NOS1: variants seen among roughly 807,000 people sequenced by gnomAD.
NOS1 encodes the protein nitric oxide synthase 1, also known as NOS type I.
A neutral mutation model predicts 164.5 loss-of-function variants in NOS1; 51 were observed. The ratio of observed to expected loss-of-function variants is 0.31; its 90% CI spans 0.25 to 0.39. The LOEUF is 0.39. NOS1 is among the 10% of genes least tolerant of loss of function. NOS1 has a pLI of 1.00. For synonymous variants in NOS1, 719 were observed against 745.8 expected (o/e 0.96, Z 0.59); for missense variants, 1,362 against 1,885.6 (o/e 0.72, Z 5.14).
At chr12:117,343,274 GAGGA>G (rs374606107) in intron 1 of NOS1, among the ~76,000 whole-genome samples, 151 of 151,792 alleles carry the variant, frequency 9.9e-4, no homozygotes, top group Non-Finnish European at 1.6e-3. Flanking sequence ...GGGAGGGAGG[GAGGA>G]AGGAAGGAAG....
At chr12:117,305,081 G>C in intron 3 of NOS1, 2 of 985,362 alleles carry the variant, frequency 2.0e-6, no homozygotes, top group Non-Finnish European at 2.4e-6. Flanking sequence ...GCAGGTAGTG[G>C]CTGGGTTCCT....
chr12:117,257,803 CT>C (rs34828673), intron 16 of NOS1, among the ~76,000 whole-genome samples: 3,839 of 120,400 alleles, frequency 0.032, 123 homozygotes, highest in African/African-American at 0.1. Flanking sequence ...TTACACAGTG[CT>C]TTTTTTTTTT....
chr12:117,238,825 C>T (rs1321319067), intron 20 of NOS1, among the ~76,000 whole-genome samples: 2 of 151,888 alleles, frequency 1.3e-5, no homozygotes, highest in African/African-American at 4.8e-5. Flanking sequence ...CTTTCTTTCA[C>T]CTATTAAACT....
chr12:117,217,048 A>G (rs1411497306), intron 28 of NOS1, among the ~76,000 whole-genome samples: 2 of 152,126 alleles, frequency 1.3e-5, no homozygotes, highest in African/African-American at 2.4e-5. Flanking sequence ...TGAAATTACG[A>G]TCAAGGTTGC....
At chr12:117,354,941 T>C (rs1306779450) in intron 1 of NOS1, among the ~76,000 whole-genome samples, 1 of 152,208 alleles carries the variant, frequency 6.6e-6, no homozygotes, top group Non-Finnish European at 1.5e-5. Context: ...TGAAGTTGCG[T>C]AAGCTTTTTG....
At chr12:117,246,163 A>G (rs753056177) in intron 18 of NOS1, 1 of 157,802 alleles carries the variant, frequency 6.3e-6, no homozygotes, top group South Asian at 2.1e-4. Flanking sequence ...CTCTCCATCC[A>G]TTATGTTCTA....
chr12:117,224,131 ATTGAT>A (rs1414097279), intron 25 of NOS1, among the ~76,000 whole-genome samples: 4 of 152,174 alleles, frequency 2.6e-5, no homozygotes, highest in African/African-American at 9.7e-5. Flanking sequence ...TTACTGACTG[ATTGAT>A]TTGTTTTTAT....
At chr12:117,250,238 T>C (rs1307736445) in intron 17 of NOS1, among the ~76,000 whole-genome samples, 3 of 152,106 alleles carry the variant, frequency 2.0e-5, no homozygotes, top group Non-Finnish European at 4.4e-5. Flanking sequence ...TAACATTTCA[T>C]CTTCCTCTTC....
At chr12:117,288,301 T>G (rs1872840146) in intron 4 of NOS1, 82 bp from the exon 5 acceptor site, 1 of 1,376,284 alleles carries the variant, frequency 7.3e-7, no homozygotes, top group South Asian at 1.3e-5. Context: ...GATCTCGTAC[T>G]CATGGTTGAG....
In NOS1 at chr12:117,234,981, C is replaced by G. The variant is rs577399302; in HGVS notation, c.3042-223G>C. Among the ~76,000 whole-genome samples the G allele has an allele frequency of 6.6e-6, 1 of 151,870 alleles. No homozygotes were observed. Among genetic ancestry groups the G allele is most frequent in the Non-Finnish European group, 1.5e-5 (1 of 67,952 alleles). On this transcript the variant is annotated intron_variant, in intron 20 of 28. Transcript: ENST00000317775. The surrounding 1 kb of genome is among the most constrained non-coding windows in gnomAD (Gnocchi z 4.3). ...TCACCCTGGCTGGAGTGCAGTGGTG[C>G]GATCACGGCTCACTGCAGCCTCTAT...
At chr12:117,326,602 C>T (rs761629520) in intron 2 of NOS1, among the ~76,000 whole-genome samples, 5 of 152,104 alleles carry the variant, frequency 3.3e-5, no homozygotes, top group Non-Finnish European at 7.4e-5. Context: ...TGGCCGCTTT[C>T]GGGCAAACCA....
chr12:117,319,318 T>G (rs1874805898), intron 2 of NOS1, among the ~76,000 whole-genome samples: 1 of 152,234 alleles, frequency 6.6e-6, no homozygotes, highest in Admixed American at 6.5e-5. Context: ...CTCCCAGTGC[T>G]GGGATTACAG....
At chr12:117,230,739 C>G (rs1037994397) in intron 22 of NOS1, among the ~76,000 whole-genome samples, 10 of 152,170 alleles carry the variant, frequency 6.6e-5, no homozygotes, top group Admixed American at 2.6e-4. Context: ...ATTTTACAAT[C>G]AGAGACCTCT....
intron 1 of NOS1, among the ~76,000 whole-genome samples, chr12:117,359,278 T>C (rs1566090521): frequency 6.6e-6 from 1 of 152,346 alleles, no homozygotes; most frequent in South Asian, 2.1e-4. Context: ...TCCGCTGAGA[T>C]GCCTTGAGGG....
At chr12:117,233,808 C>CAAAAA (rs374050465) in intron 21 of NOS1, among the ~76,000 whole-genome samples, 2 of 57,074 alleles carry the variant, frequency 3.5e-5, no homozygotes, top group African/African-American at 6.4e-5. Context: ...AAGTCTGTCT[C>CAAAAA]AAAAAAAAAA....
chr12:117,258,540 T>C, intron 15 of NOS1, 85 bp from the exon 16 acceptor site: 1 of 1,394,964 alleles, frequency 7.2e-7, no homozygotes, highest in Non-Finnish European at 1.0e-6. Context: ...GGGTCCTGGC[T>C]GTCAAAGAGG....
intron 9 of NOS1, among the ~76,000 whole-genome samples, chr12:117,276,407 C>T (rs989628517): frequency 6.6e-6 from 1 of 152,166 alleles, no homozygotes; most frequent in Admixed American, 6.5e-5. Flanking sequence ...CTCAGCATCC[C>T]AAGTAGCTGG....
intron 1 of NOS1, among the ~76,000 whole-genome samples, chr12:117,344,200 G>T (rs1442808641): frequency 6.6e-6 from 1 of 152,150 alleles, no homozygotes; most frequent in Non-Finnish European, 1.5e-5. Flanking sequence ...TGGCCACATG[G>T]AGCTAAAGCA....
intron 2 of NOS1, among the ~76,000 whole-genome samples, chr12:117,329,555 CTG>C (rs1328173588): frequency 6.6e-6 from 1 of 152,128 alleles, no homozygotes; most frequent in African/African-American, 2.4e-5. Flanking sequence ...AAACTTCTCT[CTG>C]TGTTTAATCT....
Sources: allele counts gnomAD v4.1 joint callset (sites outside exome capture counted in the v4.1 genomes callset), GRCh38; gene constraint gnomAD v4.1.1; non-coding constraint Gnocchi (gnomAD v3.1); transcripts MANE v1.5; gene names NCBI Gene and HGNC (gene_info 2026-07-23, HGNC 2026-07-21).